CFAP46: variants seen among roughly 807,000 people sequenced by gnomAD.
The protein encoded by CFAP46 is cilia and flagella associated protein 46.
Under a neutral mutation model 325.7 loss-of-function variants are expected in CFAP46, and 245 were observed. The ratio of observed to expected loss-of-function variants is 0.75; its 90% CI spans 0.68 to 0.84. The LOEUF (loss-of-function observed/expected upper bound fraction) is 0.84. Ranked by LOEUF, CFAP46 falls within the 40% of genes least tolerant of loss-of-function variation. The probability of loss-of-function intolerance (pLI) is 0.00; values close to 1 mark genes in which losing one functional copy is unlikely to be tolerated. For missense variants in CFAP46, 3,346 were observed against 3,543.0 expected (o/e 0.94, Z 1.41); for synonymous variants, 1,523 against 1,495.9 (o/e 1.02, Z -0.42).
chr10:132,879,669 GC>G (rs1354607456), intron 28 of CFAP46, 38 bp from the exon 29 acceptor site: 2 of 1,463,604 alleles, frequency 1.4e-6, no homozygotes, highest in South Asian at 2.8e-5. Context: ...AGCAGGCCCG[GC>G]TACGGGTCTG....
intron 44 of CFAP46, among the ~76,000 whole-genome samples, chr10:132,837,949 G>A (rs1192341299): frequency 6.6e-6 from 1 of 150,944 alleles, no homozygotes. Context: ...ACACAGACAC[G>A]CACGTGTACA....
chr10:132,881,622 T>A (rs1263697116), intron 27 of CFAP46, among the ~76,000 whole-genome samples: 1 of 99,100 alleles, frequency 1.0e-5, no homozygotes, highest in African/African-American at 2.8e-5. Context: ...CACCGCACCC[T>A]CCGCAGCCCT....
chr10:132,920,148 G>T lies in CFAP46; in HGVS notation c.1641C>A (p.Tyr547Ter). 1 of 1,548,228 alleles carries T rather than the reference G, an allele frequency of 6.5e-7. No individual in the cohort carries two copies. The change falls in exon 14 of 58, where the codon TAC (tyrosine) becomes TAA (stop). Residue 547 changes from tyrosine to a stop codon, truncating the protein, a stop_gained. Coordinates refer to ENST00000368586, the MANE Select transcript of CFAP46 (RefSeq NM_001200049.3). LOFTEE classifies it high-confidence loss of function. ...TGTGGTGCCACGCCTTCGCACAGAG[G>T]TAGGTGAACCGGCCCCTGTTCTTCC... The part of the protein sequence containing the change: ...STGKNRGRFT[Y>*]LCAKAWHHTV...
At chr10:132,890,244 A>G (rs1436549051) in intron 25 of CFAP46, among the ~76,000 whole-genome samples, 2 of 151,798 alleles carry the variant, frequency 1.3e-5, no homozygotes, top group African/African-American at 4.9e-5. Flanking sequence ...CCTCTGCCCG[A>G]GCCACGTACT....
At chr10:132,812,213 C>T (rs530499774) in intron 55 of CFAP46, among the ~76,000 whole-genome samples, 1 of 152,236 alleles carries the variant, frequency 6.6e-6, no homozygotes, top group African/African-American at 2.4e-5. Context: ...CGTACCCCTA[C>T]GTGTGTGCTG....
intron 33 of CFAP46, among the ~76,000 whole-genome samples, 163 bp from the exon 34 acceptor site, chr10:132,867,670 C>T (rs1248243732): frequency 6.6e-6 from 1 of 152,242 alleles, no homozygotes; most frequent in Non-Finnish European, 1.5e-5. Flanking sequence ...GCACATCCGA[C>T]TCCCAAATTT....
intron 22 of CFAP46, among the ~76,000 whole-genome samples, chr10:132,903,101 A>G (rs1385773622): frequency 1.0e-4 from 14 of 134,346 alleles, no homozygotes; most frequent in Admixed American, 1.5e-4. Flanking sequence ...TTACGCCCCA[A>G]TGTGAGCTGG....
chr10:132,833,902 G>A, intron 49 of CFAP46, 139 bp downstream of exon 49: 3 of 761,712 alleles, frequency 3.9e-6, no homozygotes, highest in Non-Finnish European at 6.7e-6. Context: ...GAGGCCTCAG[G>A]GGAAGGAGCA....
Position 132,850,221 on chromosome 10 carries a change from G to C in CFAP46, c.5952+23C>G, listed in dbSNP as rs754273970. ...GGTGACTGGTGTTGGAGCCAGACTT[G>C]GGATAGAAGCAGGAGCACCTACCGA... is the stretch of plus-strand genomic sequence containing the variant. On this transcript the variant is annotated intron_variant, in intron 41 of 57. Transcript: ENST00000368586. The C allele has an allele frequency of 1.7e-5, 26 of 1,549,406 alleles. No individual in the cohort carries two copies. In the African/African-American group the frequency reaches 2.1e-4, roughly 12 times the overall value.
chr10:132,843,550 G>C (rs1353542491), intron 44 of CFAP46, among the ~76,000 whole-genome samples: 1 of 148,254 alleles, frequency 6.7e-6, no homozygotes, highest in African/African-American at 2.5e-5. Flanking sequence ...TCTGGTCTCG[G>C]TGGGTGTTCC....
intron 39 of CFAP46, among the ~76,000 whole-genome samples, chr10:132,853,350 T>C (rs1848590699): frequency 6.6e-6 from 1 of 152,260 alleles, no homozygotes; most frequent in Admixed American, 6.5e-5. Context: ...TGAAATTAAT[T>C]AATTTTTGAA....
intron 22 of CFAP46, among the ~76,000 whole-genome samples, chr10:132,904,681 T>G (rs544883199): frequency 3.9e-4 from 59 of 152,368 alleles, no homozygotes; most frequent in Admixed American, 6.5e-4. Flanking sequence ...AACTCAGTTA[T>G]GAGGAGGCTT....
Position 132,872,785 on chromosome 10 carries a change from G to A in CFAP46, c.4402C>T (p.Leu1468=). The A allele has an allele frequency of 6.4e-7, 1 of 1,551,106 alleles. No individual in the cohort carries two copies. Residue 1468 remains leucine (L), a synonymous_variant, in exon 32 of 58, where the codon CTG becomes TTG. Transcript: ENST00000368586. ...AGTTCGTGCAGGCACATCTTCTGCAGGGCCTTGACCAGGTGGTCCAGGAAA... is the reference window on the plus strand; with the variant it reads ...AGTTCGTGCAGGCACATCTTCTGCAAGGCCTTGACCAGGTGGTCCAGGAAA... ...LYFLDHLVKA[L]QKMCLHELTV... is the part of the protein sequence containing the mutation.
intron 24 of CFAP46, among the ~76,000 whole-genome samples, chr10:132,893,990 A>G (rs1057418798): frequency 1.0e-4 from 14 of 135,678 alleles, no homozygotes; most frequent in African/African-American, 3.7e-4. Context: ...CTGGTAACAC[A>G]CTTTGAGGTT....
chr10:132,837,641 G>A (rs1456923576), intron 44 of CFAP46, among the ~76,000 whole-genome samples: 9 of 115,880 alleles, frequency 7.8e-5, no homozygotes, highest in African/African-American at 1.7e-4. Flanking sequence ...GGACACACAC[G>A]CACACGTACA....
At chr10:132,855,790 T>C (rs1397183857) in intron 39 of CFAP46, among the ~76,000 whole-genome samples, 1 of 152,236 alleles carries the variant, frequency 6.6e-6, no homozygotes, top group Non-Finnish European at 1.5e-5. Flanking sequence ...CTTTATGCTA[T>C]TGTTGTCGTA....
chr10:132,821,765 C>CTGA (rs1287281790), intron 50 of CFAP46, among the ~76,000 whole-genome samples: 2 of 108,056 alleles, frequency 1.9e-5, no homozygotes, highest in Non-Finnish European at 3.6e-5. Flanking sequence ...TGTGTGTGTG[C>CTGA]TGTGTGCTGT....
In CFAP46 at chr10:132,877,104, G is replaced by A. The variant is rs1046213693; in HGVS notation, c.4213-143C>T. 6 of 765,528 alleles carry A rather than the reference G, an allele frequency of 7.8e-6. No homozygotes were observed. The highest frequency in any genetic ancestry group is 7.1e-5 in the African/African-American group (4 of 56,684). 47.4% of individuals were successfully genotyped at this position (765,528 alleles called of 1,614,324 possible). On this transcript the variant is annotated intron_variant, in intron 30 of 57. Coordinates refer to ENST00000368586, the MANE Select transcript of CFAP46 (RefSeq NM_001200049.3). The surrounding 1 kb of genome is among the most constrained non-coding windows in gnomAD (Gnocchi z 5.7). Reference sequence around the variant, plus strand: ...TCCCCACCACCAGGTCCCAGCGAGTGCCCAGATCCAGCCTCTGATACTGTT... The same window carrying A: ...TCCCCACCACCAGGTCCCAGCGAGTACCCAGATCCAGCCTCTGATACTGTT...
intron 22 of CFAP46, among the ~76,000 whole-genome samples, chr10:132,904,104 C>G (rs908035927): frequency 9.8e-5 from 15 of 152,336 alleles, no homozygotes; most frequent in Admixed American, 6.5e-4. Flanking sequence ...AGAGTTTCTA[C>G]ACATAATTTT....
Sources: allele counts gnomAD v4.1 joint callset (sites outside exome capture counted in the v4.1 genomes callset), GRCh38; gene constraint gnomAD v4.1.1; non-coding constraint Gnocchi (gnomAD v3.1); transcripts MANE v1.5; gene names NCBI Gene and HGNC (gene_info 2026-07-23, HGNC 2026-07-21).